Variants in PRSS23 observed in about 807,000 individuals in gnomAD.
PRSS23 encodes the protein serine protease 23, also known as protease, serine 23.
PRSS23 carries 25 observed loss-of-function variants against 34.7 expected under a neutral mutation model. The ratio of observed to expected loss-of-function variants is 0.72; its 90% CI spans 0.53 to 1.01. The LOEUF (loss-of-function observed/expected upper bound fraction) is 1.01. Among genes scored for constraint, PRSS23 ranks in the 50% least tolerant of loss-of-function variants. The pLI is 0.00. For missense variants in PRSS23, 445 were observed against 475.6 expected, an observed-to-expected ratio of 0.94 and a Z score of 0.60; for synonymous variants, 176 against 186.6, an observed-to-expected ratio of 0.94 and a Z score of 0.46.
intron 2 of PRSS23, among the ~76,000 whole-genome samples, chr11:86,853,026 G>A (rs1313903733): frequency 3.3e-5 from 5 of 151,478 alleles, no homozygotes; most frequent in Admixed American, 3.3e-4. Context: ...GCTAATTTTT[G>A]TATTTTTAAT....
chr11:86,793,103 T>C (rs1456736075), intron 1 of PRSS23, among the ~76,000 whole-genome samples: 2 of 152,198 alleles, frequency 1.3e-5, no homozygotes, highest in Non-Finnish European at 2.9e-5. Context: ...ATTCTGTTCT[T>C]TAGAAGGCTT....
chr11:86,851,597 C>T (rs1428783955), intron 2 of PRSS23, among the ~76,000 whole-genome samples: 4 of 152,214 alleles, frequency 2.6e-5, no homozygotes, highest in South Asian at 2.1e-4. Flanking sequence ...TCACCCTTTT[C>T]GACTTCATGA....
chr11:86,882,637 A>T (rs995996249), intron 2 of PRSS23, among the ~76,000 whole-genome samples: 1 of 152,088 alleles, frequency 6.6e-6, no homozygotes, highest in African/African-American at 2.4e-5. Flanking sequence ...TGTCTTTGCT[A>T]TTGTGAATAG....
chr11:86,929,178 G>A (rs1332378604), intron 2 of PRSS23, among the ~76,000 whole-genome samples: 3 of 152,042 alleles, frequency 2.0e-5, no homozygotes, highest in East Asian at 1.9e-4. Context: ...AAAATTAGCC[G>A]GGCATGGTGG....
At chr11:86,818,768 A>G (rs1208329606) in intron 1 of PRSS23, among the ~76,000 whole-genome samples, 1 of 152,088 alleles carries the variant, frequency 6.6e-6, no homozygotes, top group Non-Finnish European at 1.5e-5. Context: ...ACCTTCTCCC[A>G]TTTGCAGAGA....
At chr11:86,948,055 T>C (rs1345572547) in intron 2 of PRSS23, 2 of 150,136 alleles carry the variant, frequency 1.3e-5, no homozygotes, top group African/African-American at 2.5e-5. Context: ...CCTACTCTCA[T>C]AGTCTTCCTA....
chr11:86,927,903 T>C (rs981908230), intron 2 of PRSS23, among the ~76,000 whole-genome samples: 4 of 150,856 alleles, frequency 2.7e-5, no homozygotes, highest in Non-Finnish European at 5.9e-5. Context: ...ATTGCACCAC[T>C]GCACTCCAGC....
At chr11:86,898,660 A>C (rs556215059) in intron 2 of PRSS23, among the ~76,000 whole-genome samples, 1 of 152,226 alleles carries the variant, frequency 6.6e-6, no homozygotes, top group Non-Finnish European at 1.5e-5. Flanking sequence ...TATGTGTCAC[A>C]CTGAAGATGT....
chr11:86,846,385 T>G (rs1419203944), intron 2 of PRSS23, among the ~76,000 whole-genome samples: 1 of 152,132 alleles, frequency 6.6e-6, no homozygotes, highest in Non-Finnish European at 1.5e-5. Context: ...TAAAGGTGAT[T>G]AGTGTGGCTG....
At position 86,807,613 on chromosome 11, in the gene PRSS23, T is replaced by G; in HGVS notation, c.-13-18T>G. ...TTCAGCCCTTGCCCTCCTGACCTGC[T>G]TGTCTTTGTTTCTACAGAACAGTGC... On this transcript the variant is annotated intron_variant, in intron 1 of 1. Coordinates refer to ENST00000280258, the MANE Select transcript of PRSS23 (RefSeq NM_007173.6). The G allele has an allele frequency of 6.4e-7, 1 of 1,566,652 alleles. No individual in the cohort carries two copies. Among genetic ancestry groups the G allele is most frequent in the Non-Finnish European group, 8.7e-7 (1 of 1,154,982 alleles).
At chr11:86,797,098 G>A (rs997601954), upstream of PRSS23, among the ~76,000 whole-genome samples, 1 of 152,266 alleles carries the variant, frequency 6.6e-6, no homozygotes, top group Admixed American at 6.5e-5. Flanking sequence ...ATCAGAAAAT[G>A]TGTGGGCTTT....
At chr11:86,939,403 AAT>A (rs1555083965) in intron 2 of PRSS23, among the ~76,000 whole-genome samples, 1,116 of 80,534 alleles carry the variant, frequency 0.014, 30 homozygotes, top group Middle Eastern at 0.042. Context: ...TAAAAAAAAA[AAT>A]ATATATATAT....
chr11:86,862,008 A>G (rs763726346), intron 2 of PRSS23, among the ~76,000 whole-genome samples: 2 of 150,056 alleles, frequency 1.3e-5, no homozygotes, highest in Non-Finnish European at 3.0e-5. Flanking sequence ...ATGATATTAC[A>G]TCCCATATCA....
chr11:86,877,991 G>A (rs1486444351), intron 2 of PRSS23, among the ~76,000 whole-genome samples: 1 of 151,872 alleles, frequency 6.6e-6, no homozygotes, highest in Non-Finnish European at 1.5e-5. Flanking sequence ...AACACAGGAT[G>A]TCTTTCCATT....
At chr11:86,830,261 C>G (rs1948341910) in intron 2 of PRSS23, among the ~76,000 whole-genome samples, 2 of 152,186 alleles carry the variant, frequency 1.3e-5, no homozygotes, top group South Asian at 4.1e-4. Context: ...TGCTAGCAAT[C>G]AGCGAGACTC....
chr11:86,860,740 A>AC lies in PRSS23; in HGVS notation c.206+37153dup, dbSNP rs557744011. Reference sequence around the variant, plus strand: ...AACCCCAAATTTGGCCGGTGGTTTGACCCCCCTTGTGATATTGTTCCTTAT... The same window carrying AC: ...AACCCCAAATTTGGCCGGTGGTTTGACCCCCCCTTGTGATATTGTTCCTTAT... On this transcript the variant is annotated intron_variant, in intron 2 of 2. Transcript: ENST00000533902. Among the ~76,000 whole-genome samples, 239 of 151,234 alleles carry AC rather than the reference A, an allele frequency of 1.6e-3. 2 individuals carry two copies. The highest frequency in any genetic ancestry group is 5.3e-3 in the African/African-American group (219 of 41,156).
At chr11:86,890,379 T>C (rs1201793210) in intron 2 of PRSS23, among the ~76,000 whole-genome samples, 1 of 152,310 alleles carries the variant, frequency 6.6e-6, no homozygotes, top group Non-Finnish European at 1.5e-5. Flanking sequence ...GCCATCTTTA[T>C]GCCAGAACAA....
intron 2 of PRSS23, among the ~76,000 whole-genome samples, chr11:86,873,275 C>CAT (rs1159449696): frequency 6.4e-5 from 6 of 93,110 alleles, no homozygotes; most frequent in Non-Finnish European, 1.0e-4. Context: ...TATACACACA[C>CAT]ATATATATAC....
intron 2 of PRSS23, among the ~76,000 whole-genome samples, chr11:86,914,974 A>G (rs1949002825): frequency 6.6e-6 from 1 of 152,214 alleles, no homozygotes; most frequent in African/African-American, 2.4e-5. Context: ...ATCAGGATTC[A>G]GTTTTACAGC....
Sources: gnomAD v4.1 joint callset for allele counts (sites outside exome capture counted in the v4.1 genomes callset) on GRCh38, gnomAD v4.1.1 for gene constraint, MANE v1.5 for transcripts, NCBI Gene and HGNC (gene_info 2026-07-23, HGNC 2026-07-21) for gene names.